EPS8: variants seen among roughly 807,000 people sequenced by gnomAD.
The protein encoded by EPS8 is EGFR pathway substrate 8, signaling adaptor, also known as epidermal growth factor receptor kinase substrate 8.
In EPS8, 42 loss-of-function variants were observed where a neutral mutation model predicts 103.8. The ratio of observed to expected loss-of-function variants is 0.40; its 90% confidence interval spans 0.32 to 0.52. The LOEUF is 0.52. Among genes scored for constraint, EPS8 ranks in the 20% least tolerant of loss-of-function variants. The probability of loss-of-function intolerance (pLI) is 0.40; values close to 1 mark genes in which losing one functional copy is unlikely to be tolerated. For synonymous variants in EPS8, 344 were observed against 344.6 expected, an observed-to-expected ratio of 1.00 and a Z score of 0.02; for missense variants, 969 against 1,005.1, an observed-to-expected ratio of 0.96 and a Z score of 0.49.
At chr12:15,775,044 A>C (rs1185391465) in intron 1 of EPS8, among the ~76,000 whole-genome samples, 1 of 152,146 alleles carries the variant, frequency 6.6e-6, no homozygotes, top group Non-Finnish European at 1.5e-5. Flanking sequence ...GTATCATTTC[A>C]GTGGTGTGTA....
At chr12:15,678,438 T>A (rs527420431) in intron 3 of EPS8, among the ~76,000 whole-genome samples, 1 of 152,342 alleles carries the variant, frequency 6.6e-6, no homozygotes, top group East Asian at 1.9e-4. Context: ...CTCTCTTCCC[T>A]ATAAATGCTT....
At chr12:15,770,721 C>T (rs1565537724) in intron 1 of EPS8, among the ~76,000 whole-genome samples, 1 of 152,120 alleles carries the variant, frequency 6.6e-6, no homozygotes, top group Non-Finnish European at 1.5e-5. Flanking sequence ...AAGGGTTTAT[C>T]CTAAATAACA....
chr12:15,670,001 G>GT (rs895275489), intron 4 of EPS8, among the ~76,000 whole-genome samples, 176 bp from the exon 5 acceptor site: 3 of 151,806 alleles, frequency 2.0e-5, no homozygotes, highest in Admixed American at 6.6e-5. Flanking sequence ...GCCAACCAAG[G>GT]TTTTTTTTGA....
In EPS8 at chr12:15,762,355, C is replaced by T. The variant is rs1013237810; in HGVS notation, c.-22+26806G>A. On this transcript the variant is annotated intron_variant, in intron 1 of 20. Coordinates refer to ENST00000281172, the MANE Select transcript of EPS8 (RefSeq NM_004447.6). This position sits in a 1 kb window ranked among gnomAD's most constrained non-coding sequence, Gnocchi z 4.8. ...TTGGTGGCGATGTAAATTACTGCAA[C>T]CGCTATGCAGAACAGTTTGGCGGTG... 2.6e-5 allele frequency among the ~76,000 whole-genome samples: 4 copies of T among 152,154 alleles called. No homozygotes were observed. Among genetic ancestry groups the T allele is most frequent in the Non-Finnish European group, 5.9e-5 (4 of 68,026 alleles).
intron 1 of EPS8, among the ~76,000 whole-genome samples, chr12:15,782,664 G>C (rs1237312328): frequency 6.6e-6 from 1 of 152,000 alleles, no homozygotes; most frequent in Non-Finnish European, 1.5e-5. Flanking sequence ...AAATTTATTA[G>C]AAAAAATTAA....
At chr12:15,641,911 A>C in intron 15 of EPS8, 81 bp from the exon 16 acceptor site, 1 of 587,798 alleles carries the variant, frequency 1.7e-6, no homozygotes, top group East Asian at 3.3e-5. Flanking sequence ...GACAAGCCAA[A>C]TCCTACCAGA....
At chr12:15,753,294 T>C (rs2136021199) in intron 1 of EPS8, among the ~76,000 whole-genome samples, 1 of 152,316 alleles carries the variant, frequency 6.6e-6, no homozygotes, top group South Asian at 2.1e-4. Context: ...CTACTAGTAA[T>C]GCATCATAAT....
At chr12:15,627,060 C>A (rs1214194921) in intron 18 of EPS8, among the ~76,000 whole-genome samples, 1 of 151,996 alleles carries the variant, frequency 6.6e-6, no homozygotes, top group Non-Finnish European at 1.5e-5. Flanking sequence ...AGTGCAGTGG[C>A]ACAATCTTGG....
intron 1 of EPS8, among the ~76,000 whole-genome samples, chr12:15,743,307 G>T (rs917141389): frequency 5.9e-5 from 9 of 152,184 alleles, no homozygotes; most frequent in Non-Finnish European, 1.3e-4. Flanking sequence ...TGGATAGGAA[G>T]AATCAATATC....
At chr12:15,673,102 A>C (rs7967012) in intron 3 of EPS8, among the ~76,000 whole-genome samples, 1 of 152,080 alleles carries the variant, frequency 6.6e-6, no homozygotes, top group East Asian at 1.9e-4. Context: ...ATTTACAGAA[A>C]TGAGAAGAAA....
At position 15,684,264 on chromosome 12, in the gene EPS8, C is replaced by A. The variant is rs1291464518; in HGVS notation, c.-21-1292G>T. The A allele has an allele frequency of 6.6e-6, 1 of 152,174 alleles. No homozygotes were observed. Among genetic ancestry groups the A allele is most frequent in the Non-Finnish European group, 1.5e-5 (1 of 68,032 alleles). The allele number at this position is 152,174 out of a possible 1,614,324, so 9.4% of individuals were successfully genotyped here. A position where few individuals can be genotyped will look rare whatever the true frequency, so the allele number is the denominator to read the frequency against. ...CTGTCTCATTCTTCAGATCTCAGTT[C>A]AATCACAATGTCCTCAGGGGAAGAT... On this transcript the variant is annotated intron_variant, in intron 1 of 20. Coordinates refer to ENST00000281172, the MANE Select transcript of EPS8 (RefSeq NM_004447.6). This position sits in a 1 kb window ranked among gnomAD's most constrained non-coding sequence, Gnocchi z 4.9.
chr12:15,711,575 G>A (rs1946465626), intron 1 of EPS8, among the ~76,000 whole-genome samples: 5 of 152,138 alleles, frequency 3.3e-5, no homozygotes, highest in Admixed American at 3.3e-4. Context: ...CATATATGGA[G>A]ATTTACACTC....
chr12:15,740,588 T>C (rs908254658), intron 1 of EPS8, among the ~76,000 whole-genome samples: 3 of 150,708 alleles, frequency 2.0e-5, no homozygotes, highest in African/African-American at 7.3e-5. Context: ...AATAAATAAA[T>C]AAATAAATAA....
chr12:15,672,767 A>G (rs1216162311), intron 3 of EPS8, among the ~76,000 whole-genome samples: 3 of 152,182 alleles, frequency 2.0e-5, no homozygotes, highest in African/African-American at 7.2e-5. Context: ...CACATCTAGA[A>G]ATAATCACTA....
intron 1 of EPS8, among the ~76,000 whole-genome samples, chr12:15,773,729 A>G (rs1947178703): frequency 6.6e-6 from 1 of 152,188 alleles, no homozygotes; most frequent in African/African-American, 2.4e-5. Context: ...TTGACAGCAT[A>G]TGACATGAAT....
chr12:15,682,926 G>C lies in EPS8; in HGVS notation c.26C>G (p.Pro9Arg), dbSNP rs1159378500. 1 of 1,584,066 alleles carries C rather than the reference G, an allele frequency of 6.3e-7. No individual in the cohort carries two copies. Among genetic ancestry groups the C allele is most frequent in the Admixed American group, 1.8e-5 (1 of 56,790 alleles). ...AGATGGGTACATTCCAAAACTACTGGGATGATTAGAAATATGACCATTCAT... is the reference window on the plus strand; with the variant it reads ...AGATGGGTACATTCCAAAACTACTGCGATGATTAGAAATATGACCATTCAT... MNGHISNH[P>R]SSFGMYPSQM... Residue 9 changes from proline to arginine, a missense_variant, in exon 2 of 21, where the codon CCC (proline) becomes CGC (arginine). Coordinates refer to ENST00000281172, the MANE Select transcript of EPS8 (RefSeq NM_004447.6).
intron 6 of EPS8, among the ~76,000 whole-genome samples, chr12:15,667,207 G>GT (rs1945729609): frequency 6.6e-6 from 1 of 152,160 alleles, no homozygotes; most frequent in Admixed American, 6.5e-5. Context: ...CACCATCTAT[G>GT]TTTGGGCCTC....
chr12:15,762,520 A>G lies in EPS8; in HGVS notation c.-22+26641T>C, dbSNP rs1947052717. Among the ~76,000 whole-genome samples the G allele has an allele frequency of 6.6e-6, 1 of 152,360 alleles. No homozygotes were observed. Among genetic ancestry groups the G allele is most frequent in the Admixed American group, 6.5e-5 (1 of 15,306 alleles). ...TGCAGCACTGTTTACAATCACCAAG[A>G]TTTGGAAGCAACCTAAGTGTCCATC... On this transcript the variant is annotated intron_variant, in intron 1 of 20. Coordinates refer to ENST00000281172, the MANE Select transcript of EPS8 (RefSeq NM_004447.6). The surrounding 1 kb of genome is among the most constrained non-coding windows in gnomAD (Gnocchi z 4.8).
At chr12:15,679,426 TTC>T (rs138828737) in intron 3 of EPS8, among the ~76,000 whole-genome samples, 1 of 152,332 alleles carries the variant, frequency 6.6e-6, no homozygotes, top group African/African-American at 2.4e-5. Context: ...ATTACACTCA[TTC>T]TGCAAGTATT....
Sources: allele counts gnomAD v4.1 joint callset (sites outside exome capture counted in the v4.1 genomes callset), GRCh38; gene constraint gnomAD v4.1.1; non-coding constraint Gnocchi (gnomAD v3.1); transcripts MANE v1.5; gene names NCBI Gene and HGNC (gene_info 2026-07-23, HGNC 2026-07-21).